The following KIF13A variants were observed in gnomAD, a reference collection of about 807,000 sequenced individuals.
KIF13A encodes kinesin family member 13A.
A neutral mutation model predicts 212.2 loss-of-function variants in KIF13A; 79 were observed. The ratio of observed to expected loss-of-function variants is 0.37; its 90% CI spans 0.31 to 0.45. The LOEUF (loss-of-function observed/expected upper bound fraction) is 0.45. Among genes scored for constraint, KIF13A ranks in the 20% least tolerant of loss-of-function variants. The pLI is 1.00. For missense variants in KIF13A, 1,901 were observed against 2,209.0 expected, an observed-to-expected ratio of 0.86 and a Z score of 2.79; for synonymous variants, 789 against 808.6, an observed-to-expected ratio of 0.98 and a Z score of 0.41.
At chr6:17,950,832 A>T (rs1777784896) in intron 2 of KIF13A, 1 of 980,364 alleles carries the variant, frequency 1.0e-6, no homozygotes. Flanking sequence ...ATTTCTTAAA[A>T]TAATTTCTCA....
intron 2 of KIF13A, among the ~76,000 whole-genome samples, chr6:17,950,006 G>C (rs1224720431): frequency 2.0e-5 from 3 of 152,052 alleles, no homozygotes; most frequent in Non-Finnish European, 4.4e-5. Context: ...ACAAAGACTT[G>C]TACTGGGACA....
rs1011388232 is a variant in KIF13A at position 17,886,401 on chromosome 6, T to C, written c.159+11767A>G. On this transcript the variant is annotated intron_variant, in intron 3 of 38. Transcript: ENST00000259711. This position sits in a 1 kb window ranked among gnomAD's most constrained non-coding sequence, Gnocchi z 5.6. ...TGCAAACATTTACTCCCAGTTAAGT[T>C]ACGCTGCAAAGGACTGATGAAGAGT... Among the ~76,000 whole-genome samples the C allele has an allele frequency of 6.6e-6, 1 of 152,172 alleles. No homozygotes were observed. The highest frequency in any genetic ancestry group is 2.4e-5 in the African/African-American group (1 of 41,432).
rs372356231 is a variant in KIF13A, at chr6:17,799,991, G to A, written c.2577C>T (p.Ser859=). The A allele has an allele frequency of 1.2e-5, 20 of 1,613,732 alleles. No individual in the cohort carries two copies. The South Asian group carries it at 1.3e-4, about 11-fold the overall frequency. ...ESGSLEVVDS[S]GEIIHRVKKL... is the part of the protein sequence containing the mutation. ...TTTTGACTCGGTGAATGATTTCCCC[G>A]CTGCTGTCTACGACTTCAAGGCTCC... The change falls in exon 21 of 39, where the codon AGC becomes AGT. Residue 859 remains serine (S), a synonymous_variant. Coordinates refer to ENST00000259711, the MANE Select transcript of KIF13A (RefSeq NM_022113.6). The surrounding 1 kb of genome is among the most constrained non-coding windows in gnomAD (Gnocchi z 4.4).
intron 9 of KIF13A, among the ~76,000 whole-genome samples, chr6:17,845,607 G>C (rs952458770): frequency 6.6e-6 from 1 of 152,218 alleles, no homozygotes; most frequent in African/African-American, 2.4e-5. Flanking sequence ...GGGGGTATTA[G>C]AGAGTGCTCT....
rs1761138919 is a variant in KIF13A, at chr6:17,787,324, A to G, written c.3361+452T>C. On this transcript the variant is annotated intron_variant, in intron 27 of 38. Coordinates refer to ENST00000259711, the MANE Select transcript of KIF13A (RefSeq NM_022113.6). The surrounding 1 kb of genome is among the most constrained non-coding windows in gnomAD (Gnocchi z 4.6). ...GCCTCTTAAACCAACAATGTATAAT[A>G]TGATTGACTGATGTCTATAATTGTT... 6.6e-6 allele frequency among the ~76,000 whole-genome samples: 1 copy of G among 152,216 alleles called. No individual in the cohort carries two copies. Among genetic ancestry groups the G allele is most frequent in the Non-Finnish European group, 1.5e-5 (1 of 68,034 alleles).
At position 17,789,770 on chromosome 6, in the gene KIF13A, G is replaced by T; in HGVS notation, c.3261+102C>A. ...AGCAAGTGAAAAACTGCATATTCTC[G>T]CTCTAGGGCCCTCCTTCCTCCTCCC... On this transcript the variant is annotated intron_variant, in intron 26 of 38. Coordinates refer to ENST00000259711, the MANE Select transcript of KIF13A (RefSeq NM_022113.6). This position sits in a 1 kb window ranked among gnomAD's most constrained non-coding sequence, Gnocchi z 4.8. 1 of 847,890 alleles carries T rather than the reference G, an allele frequency of 1.2e-6. No homozygotes were observed. Among genetic ancestry groups the T allele is most frequent in the Non-Finnish European group, 1.9e-6 (1 of 530,224 alleles). The allele number at this position is 847,890 out of a possible 1,614,324, so 52.5% of individuals were successfully genotyped here.
intron 2 of KIF13A, among the ~76,000 whole-genome samples, chr6:17,974,733 CATCT>C (rs1246454891): frequency 6.6e-6 from 1 of 152,082 alleles, no homozygotes; most frequent in African/African-American, 2.4e-5. Context: ...GGGACCCAAC[CATCT>C]ATTTTTAAAG....
chr6:17,865,791 A>G (rs1483219238), intron 4 of KIF13A, among the ~76,000 whole-genome samples: 1 of 152,212 alleles, frequency 6.6e-6, no homozygotes, highest in Admixed American at 6.5e-5. Context: ...AAACCAGGCC[A>G]TGAGGGTAAT....
Position 17,787,752 on chromosome 6 carries a change from A to G in KIF13A, c.3361+24T>C. 1.4e-6 allele frequency: 2 copies of G among 1,393,298 alleles called. No homozygotes were observed. Among genetic ancestry groups the G allele is most frequent in the Admixed American group, 1.7e-5 (1 of 59,552 alleles). The allele number at this position is 1,393,298 out of a possible 1,614,324, so 86.3% of individuals were successfully genotyped here. A position where few individuals can be genotyped will look rare whatever the true frequency, so the allele number is the denominator to read the frequency against. ...TGTAAAAGTGAAAAAGCTACTCCCCATAAAAGAGTTTGATCTCACATACCT... is the reference window on the plus strand; with the variant it reads ...TGTAAAAGTGAAAAAGCTACTCCCCGTAAAAGAGTTTGATCTCACATACCT... On this transcript the variant is annotated intron_variant, in intron 27 of 38. Transcript: ENST00000259711. This position sits in a 1 kb window ranked among gnomAD's most constrained non-coding sequence, Gnocchi z 4.6.
Position 17,898,581 on chromosome 6 carries a change from G to A in KIF13A, c.147-401C>T, listed in dbSNP as rs1490046570. On this transcript the variant is annotated intron_variant, in intron 2 of 38. Coordinates refer to ENST00000259711, the MANE Select transcript of KIF13A (RefSeq NM_022113.6). This position sits in a 1 kb window ranked among gnomAD's most constrained non-coding sequence, Gnocchi z 5.2. The stretch of plus-strand genomic sequence containing the variant: ...ATATTTAAATTTTTCTTAAATTTTT[G>A]TTAAAATATATGCATATTTTCCTTT... 6.6e-6 allele frequency among the ~76,000 whole-genome samples: 1 copy of A among 151,794 alleles called. No individual in the cohort carries two copies. The highest frequency in any genetic ancestry group is 2.4e-5 in the African/African-American group (1 of 41,316).
In KIF13A at chr6:17,963,895, C is replaced by G. The variant is rs1309745101; in HGVS notation, c.146+23159G>C. Among the ~76,000 whole-genome samples, 2 of 152,160 alleles carry G rather than the reference C, an allele frequency of 1.3e-5. No homozygotes were observed. Among genetic ancestry groups the G allele is most frequent in the Non-Finnish European group, 2.9e-5 (2 of 68,030 alleles). On this transcript the variant is annotated intron_variant, in intron 2 of 38. Transcript: ENST00000259711. The surrounding 1 kb of genome is among the most constrained non-coding windows in gnomAD (Gnocchi z 4.1). Reference sequence around the variant, plus strand: ...TTAATGGTGATAGTGGTTAATCAGGCATATGCAACTGTAAAAACTCAAGAA... The same window carrying G: ...TTAATGGTGATAGTGGTTAATCAGGGATATGCAACTGTAAAAACTCAAGAA...
downstream of KIF13A, among the ~76,000 whole-genome samples, chr6:17,761,897 C>T (rs1404578353): frequency 7.2e-5 from 11 of 152,028 alleles, no homozygotes; most frequent in South Asian, 2.1e-4. Flanking sequence ...GTGCTTCCCA[C>T]AGTATGGCCC....
chr6:17,808,968 G>A (rs6913612), intron 17 of KIF13A, 38 bp from the exon 18 acceptor site: 1,526,319 of 1,531,010 alleles, frequency 1, 760,927 homozygotes, highest in East Asian at 1. Flanking sequence ...AAAATCTAAA[G>A]GAAAACTGCA....
At chr6:17,802,585 C>T (rs1457536175) in intron 20 of KIF13A, among the ~76,000 whole-genome samples, 10 of 151,972 alleles carry the variant, frequency 6.6e-5, no homozygotes, top group Admixed American at 3.3e-4. Context: ...CCACCACACC[C>T]GGCCAAGCTT....
Position 17,987,627 on chromosome 6 carries a change from G to T in KIF13A, c.-164C>A. On this transcript the variant is annotated 5_prime_UTR_variant, in exon 1 of 39. Transcript: ENST00000259711. This position sits in a 1 kb window ranked among gnomAD's most constrained non-coding sequence, Gnocchi z 7.7. ...CCGAGGCGCGCGGGCCATCCCGGGG[G>T]AGCGCGACGCGGGGCACGGCCGCGG... 1 of 193,658 alleles carries T rather than the reference G, an allele frequency of 5.2e-6. No homozygotes were observed. Among genetic ancestry groups the T allele is most frequent in the South Asian group, 1.8e-4 (1 of 5,672 alleles). 12.0% of individuals were successfully genotyped at this position (193,658 alleles called of 1,614,324 possible).
At position 17,796,759 on chromosome 6, in the gene KIF13A, A is replaced by T; in HGVS notation, c.2852T>A (p.Ile951Asn). The change falls in exon 23 of 39, where the codon ATT becomes AAT. Residue 951 changes from isoleucine (I) to asparagine (N), a missense_variant. Transcript: ENST00000259711. ...AGCACACCGGTGGCCCCATACTTCA[A>T]TGGCCAGTGCTCCATCTGAAATGAA... ...LEFISDGALAIEVWGHRCAGN... is the reference protein window; with the variant it reads ...LEFISDGALANEVWGHRCAGN... 6.3e-7 allele frequency: 1 copy of T among 1,589,266 alleles called. No homozygotes were observed. Among genetic ancestry groups the T allele is most frequent in the Non-Finnish European group, 8.6e-7 (1 of 1,166,500 alleles).
At chr6:17,867,221 T>C (rs1201996659) in intron 4 of KIF13A, among the ~76,000 whole-genome samples, 4 of 152,170 alleles carry the variant, frequency 2.6e-5, no homozygotes, top group Non-Finnish European at 5.9e-5. Context: ...AAACTCTAAA[T>C]AGAATGCTTA....
In KIF13A at chr6:17,952,501, T is replaced by C. The variant is rs78373174; in HGVS notation, c.146+34553A>G. 7.6e-3 allele frequency among the ~76,000 whole-genome samples: 1,160 copies of C among 151,810 alleles called. 7 individuals are homozygous for C. Among genetic ancestry groups the C allele is most frequent in the Non-Finnish European group, 0.013 (896 of 67,940 alleles). On this transcript the variant is annotated intron_variant, in intron 2 of 38. Transcript: ENST00000259711. ...TTTAAAAATTAGCAAGGCTTAGTAG[T>C]GTGCTCGCATCTGTGGTCTTAGCTA...
intron 2 of KIF13A, among the ~76,000 whole-genome samples, chr6:17,972,821 G>C (rs1779925271): frequency 8.9e-6 from 1 of 112,950 alleles, no homozygotes; most frequent in Admixed American, 9.0e-5. Flanking sequence ...CCTTGTCTTT[G>C]AGAGAGAGTG....
Sources: gnomAD v4.1 joint callset for allele counts (sites outside exome capture counted in the v4.1 genomes callset) on GRCh38, gnomAD v4.1.1 for gene constraint, Gnocchi (gnomAD v3.1) non-coding constraint, MANE v1.5 for transcripts, NCBI Gene and HGNC (gene_info 2026-07-23, HGNC 2026-07-21) for gene names.